Variants in ZNF641 observed in about 807,000 individuals in gnomAD.
ZNF641 encodes the protein zinc finger protein 641.
In ZNF641, 26 loss-of-function variants were observed where a neutral mutation model predicts 46.2. The ratio of observed to expected loss-of-function variants is 0.56; its 90% CI spans 0.41 to 0.78. ZNF641 has a LOEUF of 0.78. ZNF641 is among the 30% of genes least tolerant of loss of function. ZNF641 has a pLI of 0.00. For missense variants in ZNF641, 469 were observed against 517.8 expected (o/e 0.91, Z 0.91); for synonymous variants, 163 against 187.9 (o/e 0.87, Z 1.09).
downstream of ZNF641, among the ~76,000 whole-genome samples, chr12:48,335,013 G>A (rs898436515): frequency 1.3e-5 from 2 of 152,206 alleles, no homozygotes; most frequent in Non-Finnish European, 2.9e-5. Context: ...AATATCATTA[G>A]CACTGTGGTT....
Position 48,342,410 on chromosome 12 carries a change from A to G in ZNF641, c.*563T>C, listed in dbSNP as rs1435747437. ...GATCACTATCTCTTGTTTCCTTGTT[A>G]CTCTCTAACCCAGTGTTCACCAGAG... On this transcript the variant is annotated 3_prime_UTR_variant, in exon 6 of 6. Transcript: ENST00000547026. 1 of 985,670 alleles carries G rather than the reference A, an allele frequency of 1.0e-6. No individual in the cohort carries two copies. Among genetic ancestry groups the G allele is most frequent in the Non-Finnish European group, 1.2e-6 (1 of 830,366 alleles). 61.1% of individuals were successfully genotyped at this position (985,670 alleles called of 1,614,324 possible).
At position 48,342,928 on chromosome 12, in the gene ZNF641, A is replaced by G. The variant is rs1952754421; in HGVS notation, c.*45T>C. ...GGCAGCCCTGGCAGTGACTCCTGGT[A>G]GCACCGGCTGATAGACTTGACCATA... is the stretch of plus-strand genomic sequence containing the variant. On this transcript the variant is annotated 3_prime_UTR_variant, in exon 6 of 6. Transcript: ENST00000547026. 1 of 1,558,480 alleles carries G rather than the reference A, an allele frequency of 6.4e-7. No homozygotes were observed. Among genetic ancestry groups the G allele is most frequent in the African/African-American group, 1.4e-5 (1 of 73,846 alleles).
At chr12:48,344,747 A>T in intron 4 of ZNF641, 35 bp from the exon 5 acceptor site, 2 of 1,230,096 alleles carry the variant, frequency 1.6e-6, no homozygotes, top group South Asian at 1.3e-5. Flanking sequence ...GCTGTCAATT[A>T]GTTCAACAGC....
intron 4 of ZNF641, 145 bp from the exon 5 acceptor site, chr12:48,344,857 C>T (rs1414110417): frequency 3.4e-6 from 2 of 588,064 alleles, no homozygotes; most frequent in Non-Finnish European, 3.0e-6. Context: ...CCACCCCAAC[C>T]TCTTCCCCCA....
chr12:48,343,103 C>A lies in ZNF641; in HGVS notation c.1145G>T (p.Gly382Val). The A allele has an allele frequency of 2.5e-6, 4 of 1,614,256 alleles. No homozygotes were observed. Among genetic ancestry groups the A allele is most frequent in the Non-Finnish European group, 3.4e-6 (4 of 1,180,044 alleles). ...HLVRHWLTHTGEKPFQCPRCE... is the reference protein window; with the variant it reads ...HLVRHWLTHTVEKPFQCPRCE... ...GCGAGGGCACTGGAAGGGCTTCTCC[C>A]CAGTGTGGGTCAGCCAGTGTCTCAC... Residue 382 changes from glycine to valine, a missense_variant, in exon 6 of 6, where the codon GGG becomes GTG. Transcript: ENST00000547026.
chr12:48,340,507 G>A lies in ZNF641; in HGVS notation c.*2466C>T. 1.0e-6 allele frequency: 1 copy of A among 973,336 alleles called. No homozygotes were observed. The highest frequency in any genetic ancestry group is 1.2e-6 in the Non-Finnish European group (1 of 824,280). The allele number at this position is 973,336 out of a possible 1,614,324, so 60.3% of individuals were successfully genotyped here. On this transcript the variant is annotated 3_prime_UTR_variant, in exon 6 of 6. Transcript: ENST00000547026. ...ATACCCTTGTCGTAATTAAAGACCA[G>A]ACTCCATCCTTATACCACTGATGCC...
rs868751103 is a variant in ZNF641 at position 48,350,757 on chromosome 12, G to T, written c.-26+29C>A. Reference sequence around the variant, plus strand: ...AAGCCAGGCGTCCCTCCCTCCAGCCGCAGCTCCCTCCGGCCCGGCTCCACT... The same window carrying T: ...AAGCCAGGCGTCCCTCCCTCCAGCCTCAGCTCCCTCCGGCCCGGCTCCACT... On this transcript the variant is annotated intron_variant, in intron 1 of 5. Transcript: ENST00000547026. 87 of 923,950 alleles carry T rather than the reference G, an allele frequency of 9.4e-5. No individual in the cohort carries two copies. In the Middle Eastern group the frequency reaches 4.4e-3, roughly 46 times the overall value. The allele number at this position is 923,950 out of a possible 1,614,324, so 57.2% of individuals were successfully genotyped here.
rs1256911395 is a variant in ZNF641 at position 48,348,118 on chromosome 12, G to A, written c.-25-3C>T. 6.2e-7 allele frequency: 1 copy of A among 1,613,768 alleles called. No individual in the cohort carries two copies. Among genetic ancestry groups the A allele is most frequent in the Non-Finnish European group, 8.5e-7 (1 of 1,180,030 alleles). On this transcript the variant is annotated splice_region_variant and splice_polypyrimidine_tract_variant and intron_variant, in intron 1 of 5. Transcript: ENST00000547026. The stretch of plus-strand genomic sequence containing the variant: ...CTGCTGCAGACCCAAATTGTGACCT[G>A]GAACAAATTCATATCAGCAATGCCC...
At position 48,341,468 on chromosome 12, in the gene ZNF641, G is replaced by A. The variant is rs1197681298; in HGVS notation, c.*1505C>T. 1 of 985,316 alleles carries A rather than the reference G, an allele frequency of 1.0e-6. No individual in the cohort carries two copies. Among genetic ancestry groups the A allele is most frequent in the African/African-American group, 1.7e-5 (1 of 57,226 alleles). 61.0% of individuals were successfully genotyped at this position (985,316 alleles called of 1,614,324 possible). ...CCCTAGAGTTAAGGGTCTTAGTGTGGACACCTTTCCAGAATTGGAAGGAAA... is the reference window on the plus strand; with the variant it reads ...CCCTAGAGTTAAGGGTCTTAGTGTGAACACCTTTCCAGAATTGGAAGGAAA... On this transcript the variant is annotated 3_prime_UTR_variant, in exon 6 of 6. Transcript: ENST00000547026.
rs182976989 is a variant in ZNF641, at chr12:48,344,483, T to A, written c.520+116A>T. 60 of 614,710 alleles carry A rather than the reference T, an allele frequency of 9.8e-5. No individual in the cohort carries two copies. In the African/African-American group the frequency reaches 1.1e-3, roughly 11 times the overall value. The allele number at this position is 614,710 out of a possible 1,614,324, so 38.1% of individuals were successfully genotyped here. A position where few individuals can be genotyped will look rare whatever the true frequency, so the allele number is the denominator to read the frequency against. On this transcript the variant is annotated intron_variant, in intron 5 of 5. Transcript: ENST00000547026. ...ACTCCCTTGCTTTTGAAGAAAAAAA[T>A]CTCTAAACCTTTTGTCTCTGGAACT...
chr12:48,336,281 G>A (rs1952603724), downstream of ZNF641, among the ~76,000 whole-genome samples: 1 of 152,140 alleles, frequency 6.6e-6, no homozygotes, highest in Non-Finnish European at 1.5e-5. Flanking sequence ...CAGTCATAGT[G>A]GCTGTGTTTC....
At chr12:48,344,963 C>A (rs1215296659) in intron 4 of ZNF641, among the ~76,000 whole-genome samples, 1 of 152,068 alleles carries the variant, frequency 6.6e-6, no homozygotes, top group Admixed American at 6.6e-5. Flanking sequence ...GCCCAGCTGG[C>A]CTTTCTGGGC....
rs1451769872 is a variant in ZNF641, at chr12:48,340,600, G to A, written c.*2373C>T. On this transcript the variant is annotated 3_prime_UTR_variant, in exon 6 of 6. Transcript: ENST00000547026. ...CTAATTCTTGACACAAATATATAAT[G>A]ACCATTTTAGATCGGGGAACTCCCT... The A allele has an allele frequency of 1.0e-6, 1 of 985,260 alleles. No individual in the cohort carries two copies. The highest frequency in any genetic ancestry group is 1.2e-6 in the Non-Finnish European group (1 of 829,932). 61.0% of individuals were successfully genotyped at this position (985,260 alleles called of 1,614,324 possible).
At chr12:48,346,872 G>A (rs1565993874) in intron 3 of ZNF641, among the ~76,000 whole-genome samples, 1 of 152,164 alleles carries the variant, frequency 6.6e-6, no homozygotes. Flanking sequence ...TTAGCTAGGT[G>A]TGGTGGCGTG....
chr12:48,347,429 G>T, intron 2 of ZNF641, 86 bp from the exon 3 acceptor site: 1 of 1,227,334 alleles, frequency 8.1e-7, no homozygotes, highest in Non-Finnish European at 1.1e-6. Context: ...GAGGCTTAAG[G>T]GTCACAACTT....
chr12:48,348,525 A>G (rs1404012570), intron 1 of ZNF641, among the ~76,000 whole-genome samples: 1 of 151,884 alleles, frequency 6.6e-6, no homozygotes, highest in Non-Finnish European at 1.5e-5. Flanking sequence ...ACTCAACAAG[A>G]TGGATGTAAT....
chr12:48,343,871 C>A (rs977647103), intron 5 of ZNF641, 144 bp from the exon 6 acceptor site: 1 of 698,486 alleles, frequency 1.4e-6, no homozygotes, highest in Non-Finnish European at 2.2e-6. Flanking sequence ...TAATGTCGTA[C>A]AAGACAGTGC....
At chr12:48,345,259 G>T in intron 4 of ZNF641, 86 bp downstream of exon 4, 1 of 1,516,448 alleles carries the variant, frequency 6.6e-7, no homozygotes, top group Non-Finnish European at 9.0e-7. Context: ...AAGAGTCCTA[G>T]ACAGACACTA....
At position 48,337,723 on chromosome 12, in the gene ZNF641, G is replaced by A. The variant is rs935428748; in HGVS notation, c.*5250C>T. 4 of 151,682 alleles carry A rather than the reference G, an allele frequency of 2.6e-5. No homozygotes were observed. The highest frequency in any genetic ancestry group is 6.6e-5 in the Admixed American group (1 of 15,228). The allele number at this position is 151,682 out of a possible 1,614,324, so 9.4% of individuals were successfully genotyped here. On this transcript the variant is annotated 3_prime_UTR_variant, in exon 6 of 6. Coordinates refer to ENST00000547026, the MANE Select transcript of ZNF641 (RefSeq NM_001172681.2). ...GGGCGCTTGTAGTCCCAGCTACTCG[G>A]GAGGCTGAGGCAAGAAAATGGCGTA...
Sources: gnomAD v4.1 joint callset for allele counts (sites outside exome capture counted in the v4.1 genomes callset) on GRCh38, gnomAD v4.1.1 for gene constraint, MANE v1.5 for transcripts, NCBI Gene and HGNC (gene_info 2026-07-23, HGNC 2026-07-21) for gene names.